The following CORO2B variants were observed in gnomAD, a reference collection of about 807,000 sequenced individuals.
CORO2B encodes coronin-2B.
A neutral mutation model predicts 58.8 loss-of-function variants in CORO2B; 26 were observed. The observed-to-expected ratio is 0.44, with a 90% CI of 0.32 to 0.61. CORO2B has a LOEUF of 0.61. CORO2B is among the 20% of genes least tolerant of loss of function. CORO2B has a pLI of 0.04. For missense variants in CORO2B, 460 were observed against 645.1 expected (o/e 0.71, Z 3.11); for synonymous variants, 242 against 253.8 (o/e 0.95, Z 0.44).
intron 2 of CORO2B, among the ~76,000 whole-genome samples, chr15:68,665,563 C>T (rs1039261196): frequency 2.6e-5 from 4 of 151,200 alleles, no homozygotes; most frequent in African/African-American, 9.7e-5. Flanking sequence ...AAGAGAATGT[C>T]AACCTTATGA....
rs372427198 is a variant in CORO2B at position 68,726,004 on chromosome 15, T to C, written c.*30T>C. The C allele has an allele frequency of 1.7e-5, 28 of 1,609,978 alleles. No individual in the cohort carries two copies. The highest frequency in any genetic ancestry group is 2.2e-5 in the Non-Finnish European group (26 of 1,179,848). ...CCAGCTGGGCTGTTTTCTAAGCCGA[T>C]CTCTCCGTCGTTTCTACTCATCCCT... On this transcript the variant is annotated 3_prime_UTR_variant, in exon 12 of 12. Coordinates refer to ENST00000261861, the MANE Select transcript of CORO2B (RefSeq NM_006091.5).
In CORO2B at chr15:68,714,601, C is replaced by G; in HGVS notation, c.808C>G (p.Leu270Val). The change falls in exon 7 of 12, where the codon CTC becomes GTC. Residue 270 changes from leucine to valine, a missense_variant. By Grantham distance (32) the Leu-to-Val change is conservative. Around this residue, in one of 2 missense-constraint regions of CORO2B, gnomAD observed 352 missense variants for 543.0 expected, o/e 0.65. Transcript: ENST00000261861. ...MPLIEEEIDG[L>V]SGLLFPFYDA... is the part of the protein sequence containing the mutation. ...CCTGATCGAAGAGGAAATTGATGGG[C>G]TCTCTGGCCTCCTGTTCCCCTTCTA... The G allele has an allele frequency of 1.2e-6, 2 of 1,614,112 alleles. No homozygotes were observed. Among genetic ancestry groups the G allele is most frequent in the Non-Finnish European group, 1.7e-6 (2 of 1,180,000 alleles).
At chr15:68,631,979 T>A (rs1162799265) in intron 1 of CORO2B, 1 of 985,352 alleles carries the variant, frequency 1.0e-6, no homozygotes, top group Non-Finnish European at 1.2e-6. Context: ...TCTCTCTTGG[T>A]TGCTAGCAAC....
At chr15:68,635,951 C>T (rs1901020326) in intron 1 of CORO2B, among the ~76,000 whole-genome samples, 1 of 152,094 alleles carries the variant, frequency 6.6e-6, no homozygotes, top group Non-Finnish European at 1.5e-5. Context: ...AGGTGCAGTC[C>T]CTGCCCTCAA....
the CORO2B span, among the ~76,000 whole-genome samples, chr15:68,573,074 G>T: frequency 2.0e-5 from 3 of 152,126 alleles, no homozygotes; most frequent in African/African-American, 7.2e-5. Context: ...AGCTGCTCAG[G>T]TGAGGGCCCC....
At chr15:68,706,655 C>T (rs1445512822) in intron 3 of CORO2B, among the ~76,000 whole-genome samples, 4 of 152,194 alleles carry the variant, frequency 2.6e-5, no homozygotes, top group Admixed American at 2.6e-4. Flanking sequence ...TTAGAGCTTC[C>T]TACTCAAGTG....
chr15:68,573,974 G>A, the CORO2B span, among the ~76,000 whole-genome samples: 1 of 152,144 alleles, frequency 6.6e-6, no homozygotes, highest in Non-Finnish European at 1.5e-5. Context: ...CTGACGGGGA[G>A]AGAAGGGCCA....
At chr15:68,623,107 G>A (rs1036812335) in intron 1 of CORO2B, among the ~76,000 whole-genome samples, 10 of 152,180 alleles carry the variant, frequency 6.6e-5, no homozygotes, top group African/African-American at 2.4e-4. Context: ...AGAGGTTGCA[G>A]TGAGCCGAGA....
chr15:68,557,088 TC>T, the CORO2B span, among the ~76,000 whole-genome samples: 5 of 152,148 alleles, frequency 3.3e-5, no homozygotes, highest in African/African-American at 1.2e-4. Context: ...GCCATAAATG[TC>T]CCCTCGGGTA....
chr15:68,544,869 G>A, the CORO2B span, among the ~76,000 whole-genome samples: 7 of 151,644 alleles, frequency 4.6e-5, no homozygotes, highest in South Asian at 2.1e-4. Flanking sequence ...CTCCGCCTCC[G>A]GGGTTCACGC....
chr15:68,575,577 G>GGCCCCCCCCCCCC (rs1899265461), upstream of CORO2B, among the ~76,000 whole-genome samples: 1 of 38,752 alleles, frequency 2.6e-5, no homozygotes, highest in African/African-American at 6.6e-5. Context: ...CTTGTGATCT[G>GGCCCCCCCCCCCC]CCCCCGCCTC....
chr15:68,670,697 CT>C (rs1348186488), intron 2 of CORO2B, among the ~76,000 whole-genome samples: 1 of 152,152 alleles, frequency 6.6e-6, no homozygotes, highest in Non-Finnish European at 1.5e-5. Context: ...CAAATATCTG[CT>C]AAGCAAATGA....
At chr15:68,533,624 C>G in the CORO2B span, among the ~76,000 whole-genome samples, 177 of 152,264 alleles carry the variant, frequency 1.2e-3, no homozygotes, top group Admixed American at 2.2e-3. Flanking sequence ...TGAGGCTGGG[C>G]CTCCTTGGGC....
rs149320641 is a variant in CORO2B, at chr15:68,655,181, C to T, written c.216+9821C>T. 3.3e-5 allele frequency among the ~76,000 whole-genome samples: 5 copies of T among 152,294 alleles called. No individual in the cohort carries two copies. In the East Asian group the frequency reaches 7.7e-4, roughly 23 times the overall value. On this transcript the variant is annotated intron_variant, in intron 2 of 11. Transcript: ENST00000261861. ...GTAAAGGTTTTACCACAGTGCCTGG[C>T]GTACAGCAAGTGCTCAACAAATCTG... is the stretch of plus-strand genomic sequence containing the variant.
At chr15:68,720,597 G>A (rs1425116398) in intron 11 of CORO2B, among the ~76,000 whole-genome samples, 1 of 152,172 alleles carries the variant, frequency 6.6e-6, no homozygotes, top group Non-Finnish European at 1.5e-5. Context: ...CTATTGGAGT[G>A]AGGGCCTCAG....
At position 68,664,094 on chromosome 15, in the gene CORO2B, C is replaced by T. The variant is rs1251608825; in HGVS notation, c.216+18734C>T. On this transcript the variant is annotated intron_variant, in intron 2 of 11. Coordinates refer to ENST00000261861, the MANE Select transcript of CORO2B (RefSeq NM_006091.5). ...ACAGTGTTACAGCCACTTTGGAAAACTGGATGACAGAAGTATTCTACATTT... is the reference window on the plus strand; with the variant it reads ...ACAGTGTTACAGCCACTTTGGAAAATTGGATGACAGAAGTATTCTACATTT... 2.0e-5 allele frequency among the ~76,000 whole-genome samples: 3 copies of T among 152,184 alleles called. No individual in the cohort carries two copies. The East Asian group carries it at 5.8e-4, about 29-fold the overall frequency.
chr15:68,554,952 G>A, the CORO2B span, among the ~76,000 whole-genome samples: 1 of 152,138 alleles, frequency 6.6e-6, no homozygotes, highest in Non-Finnish European at 1.5e-5. Context: ...CCAACCCCAG[G>A]GCTGTGTGAG....
chr15:68,653,760 G>A (rs951756453), intron 2 of CORO2B, among the ~76,000 whole-genome samples: 30 of 147,434 alleles, frequency 2.0e-4, no homozygotes, highest in African/African-American at 7.5e-4. Flanking sequence ...ATAATATTTT[G>A]TTTGCTTACC....
chr15:68,659,950 G>A (rs577509449), intron 2 of CORO2B, among the ~76,000 whole-genome samples: 1 of 152,204 alleles, frequency 6.6e-6, no homozygotes, highest in Non-Finnish European at 1.5e-5. Flanking sequence ...TCTTCATGCT[G>A]AGTAGGCTGA....
Sources: gnomAD v4.1 joint callset for allele counts (sites outside exome capture counted in the v4.1 genomes callset) on GRCh38, gnomAD v4.1.1 for gene constraint, gnomAD v4.1.1 regional missense constraint, MANE v1.5 for transcripts, NCBI Gene and HGNC (gene_info 2026-07-23, HGNC 2026-07-21) for gene names.